The following EML5 variants were observed in gnomAD, a reference collection of about 807,000 sequenced individuals.
EML5 encodes the protein echinoderm microtubule-associated protein-like 5.
In EML5, 120 loss-of-function variants were observed where a neutral mutation model predicts 250.0. The ratio of observed to expected loss-of-function variants is 0.48; its 90% CI spans 0.41 to 0.56. The LOEUF is 0.56. EML5 is among the 20% of genes least tolerant of loss of function. EML5 has a pLI of 0.00. For missense variants in EML5, 2,006 were observed against 2,437.6 expected (o/e 0.82, Z 3.73); for synonymous variants, 771 against 806.5 (o/e 0.96, Z 0.75).
intron 8 of EML5, among the ~76,000 whole-genome samples, chr14:88,717,145 C>T (rs1359208566): frequency 6.6e-6 from 1 of 152,116 alleles, no homozygotes; most frequent in Non-Finnish European, 1.5e-5. Context: ...GAGTAGATAG[C>T]TATGATGTCT....
At chr14:88,731,538 T>G (rs912545986) in intron 7 of EML5, among the ~76,000 whole-genome samples, 23 of 152,296 alleles carry the variant, frequency 1.5e-4, no homozygotes, top group African/African-American at 5.1e-4. Flanking sequence ...TACGTGTGCA[T>G]GTGTCTTTAT....
At chr14:88,686,218 T>C (rs1030092514) in intron 19 of EML5, among the ~76,000 whole-genome samples, 6 of 152,042 alleles carry the variant, frequency 3.9e-5, no homozygotes, top group African/African-American at 1.4e-4. Context: ...AGGAAGGACA[T>C]GTTTTAGGAA....
intron 29 of EML5, chr14:88,644,854 G>A (rs1440358451): frequency 5.7e-6 from 1 of 174,310 alleles, no homozygotes; most frequent in Non-Finnish European, 1.2e-5. Flanking sequence ...GGGATTACAG[G>A]TGTGTGCCAC....
chr14:88,641,732 A>C (rs928740622), intron 31 of EML5, among the ~76,000 whole-genome samples: 1 of 152,170 alleles, frequency 6.6e-6, no homozygotes, highest in Non-Finnish European at 1.5e-5. Context: ...ATGTATCCTC[A>C]AACTGGTGAG....
intron 31 of EML5, among the ~76,000 whole-genome samples, chr14:88,639,314 G>T (rs2090926223): frequency 6.6e-6 from 1 of 152,208 alleles, no homozygotes; most frequent in Admixed American, 6.5e-5. Flanking sequence ...AGGCAGGAAA[G>T]TGTTGTGTAT....
At chr14:88,639,701 C>A (rs932442790) in intron 31 of EML5, among the ~76,000 whole-genome samples, 1 of 152,044 alleles carries the variant, frequency 6.6e-6, no homozygotes, top group Non-Finnish European at 1.5e-5. Flanking sequence ...CTCAGCCTCC[C>A]AAGTAGCTGG....
intron 10 of EML5, among the ~76,000 whole-genome samples, chr14:88,707,269 A>ATTTT (rs1335150952): frequency 4.9e-4 from 64 of 129,510 alleles, no homozygotes; most frequent in African/African-American, 1.9e-3. Context: ...ATAGGGATAT[A>ATTTT]TTTTATTTAT....
intron 37 of EML5, 138 bp downstream of exon 37, chr14:88,622,466 G>C (rs879000776): frequency 1.6e-6 from 1 of 633,998 alleles, no homozygotes; most frequent in Non-Finnish European, 2.4e-6. Context: ...AAGCAGCAAA[G>C]ACAGAGTAAT....
At chr14:88,682,567 T>C (rs542331986) in intron 20 of EML5, among the ~76,000 whole-genome samples, 2 of 152,280 alleles carry the variant, frequency 1.3e-5, no homozygotes, top group Admixed American at 1.3e-4. Flanking sequence ...TCCCTCCTCA[T>C]CTGGTTGGAA....
intron 23 of EML5, 132 bp from the exon 24 acceptor site, chr14:88,663,251 T>TA: frequency 2.0e-6 from 1 of 494,626 alleles, no homozygotes; most frequent in Non-Finnish European, 3.4e-6. Context: ...GCAGTCAACT[T>TA]ATAGTAAGAA....
At chr14:88,713,840 GTTTT>G (rs33988759) in intron 9 of EML5, among the ~76,000 whole-genome samples, 2 of 130,078 alleles carry the variant, frequency 1.5e-5, no homozygotes. Context: ...AAGTTTATTT[GTTTT>G]TTTTTTTTTT....
intron 1 of EML5, among the ~76,000 whole-genome samples, chr14:88,755,270 A>G (rs1212485032): frequency 6.6e-6 from 1 of 152,216 alleles, no homozygotes; most frequent in East Asian, 1.9e-4. Flanking sequence ...CAAGAGAGCA[A>G]TTGGATCACA....
chr14:88,746,396 A>G, intron 2 of EML5, 113 bp from the exon 3 acceptor site: 5 of 773,340 alleles, frequency 6.5e-6, no homozygotes, highest in Non-Finnish European at 1.0e-5. Flanking sequence ...AACATAAAAC[A>G]TATATGCCTA....
intron 22 of EML5, 47 bp downstream of exon 22, chr14:88,665,290 C>A (rs774998373): frequency 1.3e-6 from 2 of 1,560,034 alleles, no homozygotes; most frequent in Non-Finnish European, 1.7e-6. Context: ...CATTTATACA[C>A]TGCCAGACCC....
chr14:88,730,579 C>G (rs565367639), intron 7 of EML5, among the ~76,000 whole-genome samples: 1 of 152,242 alleles, frequency 6.6e-6, no homozygotes, highest in South Asian at 2.1e-4. Flanking sequence ...TTTAAAAACA[C>G]GACAAATAAT....
At chr14:88,637,355 T>C (rs890152602) in intron 32 of EML5, among the ~76,000 whole-genome samples, 10 of 152,192 alleles carry the variant, frequency 6.6e-5, no homozygotes. Context: ...TTCTATAGTG[T>C]TGTCTTTCAA....
At chr14:88,736,607 A>T in intron 6 of EML5, 42 bp from the exon 7 acceptor site, 1 of 1,575,552 alleles carries the variant, frequency 6.3e-7, no homozygotes, top group Non-Finnish European at 8.7e-7. Flanking sequence ...ATGCTGTAAT[A>T]ATGATAGCAG....
At position 88,684,881 on chromosome 14, in the gene EML5, T is replaced by A; in HGVS notation, c.2982+134A>T. 14 of 735,070 alleles carry A rather than the reference T, an allele frequency of 1.9e-5. No homozygotes were observed. The South Asian group carries it at 4.1e-4, about 21-fold the overall frequency. 45.5% of individuals were successfully genotyped at this position (735,070 alleles called of 1,614,324 possible). On this transcript the variant is annotated intron_variant, in intron 20 of 43. Coordinates refer to ENST00000554922, the MANE Select transcript of EML5 (RefSeq NM_183387.3). ...AAATTTTTTTCTGTATACATTAAAT[T>A]TTTTTTCTGTATACATTAACAAATA... is the stretch of plus-strand genomic sequence containing the variant.
At chr14:88,727,338 G>C (rs775949824) in intron 7 of EML5, among the ~76,000 whole-genome samples, 1 of 151,722 alleles carries the variant, frequency 6.6e-6, no homozygotes, top group Non-Finnish European at 1.5e-5. Context: ...CAGTGCAAAG[G>C]GATGTGAGTA....
Sources: allele counts gnomAD v4.1 joint callset (sites outside exome capture counted in the v4.1 genomes callset), GRCh38; gene constraint gnomAD v4.1.1; transcripts MANE v1.5; gene names NCBI Gene and HGNC (gene_info 2026-07-23, HGNC 2026-07-21).